PTBP3: variants seen among roughly 807,000 people sequenced by gnomAD.
The protein encoded by PTBP3 is polypyrimidine tract binding protein 3, also known as polypyrimidine tract-binding protein 3.
In PTBP3, 20 loss-of-function variants were observed where a neutral mutation model predicts 58.7. The observed-to-expected ratio is 0.34, with a 90% confidence interval of 0.24 to 0.50. The LOEUF (loss-of-function observed/expected upper bound fraction) is 0.50. Among genes scored for constraint, PTBP3 ranks in the 20% least tolerant of loss-of-function variants. The pLI is 0.98. For missense variants in PTBP3, 509 were observed against 637.2 expected (o/e 0.80, Z 2.17); for synonymous variants, 185 against 219.8 (o/e 0.84, Z 1.40).
intron 5 of PTBP3, among the ~76,000 whole-genome samples, chr9:112,253,467 G>A (rs1836215810): frequency 6.6e-6 from 1 of 152,094 alleles, no homozygotes; most frequent in Non-Finnish European, 1.5e-5. Flanking sequence ...CACAATACGT[G>A]TGCTACCTCA....
intron 1 of PTBP3, among the ~76,000 whole-genome samples, chr9:112,327,487 G>T (rs908831428): frequency 2.6e-5 from 4 of 152,164 alleles, no homozygotes; most frequent in Non-Finnish European, 5.9e-5. Context: ...TTGAACCCAG[G>T]AGGTGGAGAT....
At chr9:112,234,368 C>T (rs1391204890) in intron 8 of PTBP3, among the ~76,000 whole-genome samples, 1 of 152,118 alleles carries the variant, frequency 6.6e-6, no homozygotes, top group Admixed American at 6.6e-5. Context: ...AAAAGGTTTT[C>T]CAAAGATGAA....
chr9:112,348,007 C>CA, the PTBP3 span, among the ~76,000 whole-genome samples: 1 of 152,232 alleles, frequency 6.6e-6, no homozygotes, highest in African/African-American at 2.4e-5. Flanking sequence ...TCCAAGACCT[C>CA]ATGCCTCAGA....
chr9:112,361,266 T>G, the PTBP3 span, among the ~76,000 whole-genome samples: 341 of 152,038 alleles, frequency 2.2e-3, 1 homozygote, highest in African/African-American at 7.7e-3. Flanking sequence ...CTGGATAATT[T>G]TTTTGTATTT....
intron 3 of PTBP3, chr9:112,272,551 CATCCATCCATCT>C (rs891765631): frequency 6.6e-6 from 1 of 152,044 alleles, no homozygotes; most frequent in African/African-American, 2.4e-5. Context: ...TTTATTCATC[CATCCATCCATCT>C]ATCCATCCAT....
At chr9:112,280,729 T>C (rs991919391) in intron 2 of PTBP3, among the ~76,000 whole-genome samples, 7 of 151,766 alleles carry the variant, frequency 4.6e-5, no homozygotes, top group Admixed American at 1.3e-4. Context: ...TACCATGATT[T>C]TTTTCCTCAC....
intron 3 of PTBP3, among the ~76,000 whole-genome samples, chr9:112,271,860 C>G (rs1163060385): frequency 6.6e-6 from 1 of 152,160 alleles, no homozygotes; most frequent in Non-Finnish European, 1.5e-5. Context: ...ACTTCCTACC[C>G]TGAGTCAATA....
Position 112,248,601 on chromosome 9 carries a change from A to G in PTBP3, c.802+2328T>C, listed in dbSNP as rs530766623. Among the ~76,000 whole-genome samples the G allele has an allele frequency of 2.0e-5, 3 of 152,322 alleles. No individual in the cohort carries two copies. The East Asian group carries it at 5.8e-4, about 29-fold the overall frequency. ...CAAGTGAAAACTATGTTAAGATACCATTTACCACACACTAAAATAAAATTT... is the reference window on the plus strand; with the variant it reads ...CAAGTGAAAACTATGTTAAGATACCGTTTACCACACACTAAAATAAAATTT... On this transcript the variant is annotated intron_variant, in intron 7 of 13. Coordinates refer to ENST00000374257, the MANE Select transcript of PTBP3 (RefSeq NM_001163788.4).
chr9:112,367,872 ATAAGT>A, the PTBP3 span, among the ~76,000 whole-genome samples: 1 of 152,106 alleles, frequency 6.6e-6, no homozygotes, highest in African/African-American at 2.4e-5. Context: ...GTTTCTTTAA[ATAAGT>A]TTTCTGCCCC....
rs1827188593 is a variant in PTBP3 at position 112,268,215 on chromosome 9, G to T, written c.205-20C>A. 6.3e-7 allele frequency: 1 copy of T among 1,599,266 alleles called. No homozygotes were observed. The highest frequency in any genetic ancestry group is 1.4e-5 in the African/African-American group (1 of 73,958). On this transcript the variant is annotated intron_variant, in intron 3 of 13. Coordinates refer to ENST00000374257, the MANE Select transcript of PTBP3 (RefSeq NM_001163788.4). Reference sequence around the variant, plus strand: ...GAAAGCCTGCAATAAACACAAGAAGGTAAAGTTAAAGCTCATCTTTTTGAA... The same window carrying T: ...GAAAGCCTGCAATAAACACAAGAAGTTAAAGTTAAAGCTCATCTTTTTGAA...
chr9:112,372,104 ATTC>A, the PTBP3 span, among the ~76,000 whole-genome samples: 1 of 152,042 alleles, frequency 6.6e-6, no homozygotes, highest in South Asian at 2.1e-4. Flanking sequence ...ACAAGGTCTT[ATTC>A]TGTCACCAAG....
the PTBP3 span, among the ~76,000 whole-genome samples, chr9:112,341,256 C>G: frequency 2.0e-5 from 3 of 152,050 alleles, no homozygotes. Flanking sequence ...CTCAGCCTCC[C>G]GAGTAGCTGG....
chr9:112,318,791 A>G (rs1051520012), intron 1 of PTBP3, among the ~76,000 whole-genome samples: 1 of 152,002 alleles, frequency 6.6e-6, no homozygotes, highest in Non-Finnish European at 1.5e-5. Flanking sequence ...ATTGTTTCAT[A>G]AAAGACTCAA....
At chr9:112,228,335 A>C (rs1835069193) in intron 11 of PTBP3, 45 bp downstream of exon 11, 1 of 1,392,900 alleles carries the variant, frequency 7.2e-7, no homozygotes, top group Non-Finnish European at 9.8e-7. Context: ...CACACACAAA[A>C]GGGGCAAGTT....
the PTBP3 span, among the ~76,000 whole-genome samples, chr9:112,361,288 G>T: frequency 1.3e-5 from 2 of 151,858 alleles, no homozygotes; most frequent in East Asian, 3.9e-4. Context: ...TAGTAGATTC[G>T]GGGTTTCACC....
At chr9:112,373,204 T>C in the PTBP3 span, among the ~76,000 whole-genome samples, 36 of 151,882 alleles carry the variant, frequency 2.4e-4, no homozygotes, top group African/African-American at 8.0e-4. Flanking sequence ...CCTACATGAG[T>C]TTATTAAGTA....
At chr9:112,302,639 AGTACAGTG>A in intron 1 of PTBP3, among the ~76,000 whole-genome samples, 1 of 133,096 alleles carries the variant, frequency 7.5e-6, no homozygotes, top group East Asian at 2.5e-4. Flanking sequence ...CCCAGGCTGG[AGTACAGTG>A]ACACGATCTT....
At chr9:112,299,680 G>A (rs1225520206) in intron 1 of PTBP3, among the ~76,000 whole-genome samples, 1 of 152,144 alleles carries the variant, frequency 6.6e-6, no homozygotes, top group East Asian at 1.9e-4. Context: ...ATGGCCATGT[G>A]ACTTGCAATG....
At chr9:112,306,204 G>A (rs984351647) in intron 1 of PTBP3, among the ~76,000 whole-genome samples, 45 of 151,464 alleles carry the variant, frequency 3.0e-4, no homozygotes, top group South Asian at 6.3e-4. Flanking sequence ...TCACTCTGTC[G>A]CCCAGGCTGA....
Sources: allele counts gnomAD v4.1 joint callset (sites outside exome capture counted in the v4.1 genomes callset), GRCh38; gene constraint gnomAD v4.1.1; transcripts MANE v1.5; gene names NCBI Gene and HGNC (gene_info 2026-07-23, HGNC 2026-07-21).